GAB3: variants seen among roughly 807,000 people sequenced by gnomAD.
GAB3 encodes GRB2-associated-binding protein 3.
Under a neutral mutation model 40.4 loss-of-function variants are expected in GAB3, and 12 were observed. The observed-to-expected ratio is 0.30, with a 90% CI of 0.19 to 0.48. The LOEUF is 0.48. Among genes scored for constraint, GAB3 ranks in the 20% least tolerant of loss-of-function variants. The pLI is 0.99. For synonymous variants in GAB3, 154 were observed against 176.7 expected (o/e 0.87, Z 1.02); for missense variants, 381 against 461.9 (o/e 0.82, Z 1.61).
At chrX:154,723,347 T>C (rs1329902519) in intron 1 of GAB3, among the ~76,000 whole-genome samples, 9 of 111,533 alleles carry the variant, frequency 8.1e-5, no homozygotes, top group South Asian at 3.7e-4. Flanking sequence ...GCTCACAGGA[T>C]GAGGAAGGAA....
chrX:154,688,259 A>G (rs2070488731), intron 8 of GAB3, among the ~76,000 whole-genome samples: 1 of 109,719 alleles, frequency 9.1e-6, no homozygotes, highest in Non-Finnish European at 1.9e-5. Flanking sequence ...CCATTGGAGG[A>G]CTTGGGTTTT....
At chrX:154,737,707 G>A (rs782393512) in intron 1 of GAB3, among the ~76,000 whole-genome samples, 9 of 112,312 alleles carry the variant, frequency 8.0e-5, no homozygotes, top group Non-Finnish European at 1.3e-4. Flanking sequence ...AAGATGTGGC[G>A]TAAAAAATCA....
At chrX:154,729,686 C>A (rs2071265283) in intron 1 of GAB3, among the ~76,000 whole-genome samples, 1 of 111,777 alleles carries the variant, frequency 8.9e-6, no homozygotes, top group African/African-American at 3.3e-5. Context: ...GGAACAAGGG[C>A]AAATGAGCTT....
intron 6 of GAB3, among the ~76,000 whole-genome samples, chrX:154,697,911 C>G (rs2070685932): frequency 8.9e-6 from 1 of 111,884 alleles, no homozygotes; most frequent in South Asian, 3.7e-4. Flanking sequence ...AGTGGCCCAT[C>G]TTCTTGAGTT....
At chrX:154,707,966 T>G (rs1477128667) in intron 4 of GAB3, among the ~76,000 whole-genome samples, 4 of 111,881 alleles carry the variant, frequency 3.6e-5, no homozygotes, top group African/African-American at 1.3e-4. Context: ...CACTAAAAAC[T>G]ATAAAACATT....
Position 154,700,078 on chromosome X carries a change from G to A in GAB3, c.1070-19C>T, listed in dbSNP as rs2070717692. ...ACATCAGCTGCAAGAAATAAGCCAA[G>A]GTGGTGAGAAATGCAGAACAATATC... On this transcript the variant is annotated intron_variant, in intron 4 of 9. Transcript: ENST00000424127. 8 of 1,182,632 alleles carry A rather than the reference G, an allele frequency of 6.8e-6. No individual in the cohort carries two copies. The highest frequency in any genetic ancestry group is 8.0e-6 in the Non-Finnish European group (7 of 870,558).
chrX:154,739,446 G>A (rs1055398330), intron 1 of GAB3, among the ~76,000 whole-genome samples: 1 of 112,007 alleles, frequency 8.9e-6, no homozygotes, highest in East Asian at 2.8e-4. Context: ...GGAACTGGAG[G>A]TTATTATATT....
chrX:154,691,850 C>T (rs1160598230), intron 8 of GAB3, among the ~76,000 whole-genome samples: 1 of 111,678 alleles, frequency 9.0e-6, no homozygotes, highest in African/African-American at 3.3e-5. Context: ...GAAATAAACC[C>T]TTGCATATAT....
At chrX:154,689,620 C>A (rs2070519522) in intron 8 of GAB3, among the ~76,000 whole-genome samples, 1 of 111,147 alleles carries the variant, frequency 9.0e-6, no homozygotes, top group Non-Finnish European at 1.9e-5. Flanking sequence ...TATACACCAA[C>A]AACAGACAAA....
intron 4 of GAB3, among the ~76,000 whole-genome samples, chrX:154,710,568 C>T (rs1290731468): frequency 3.6e-5 from 4 of 111,624 alleles, no homozygotes; most frequent in Non-Finnish European, 7.5e-5. Flanking sequence ...GCAGGGTCAT[C>T]GGATGGAGAT....
chrX:154,729,360 T>C lies in GAB3; in HGVS notation c.73-13031A>G, dbSNP rs185775246. On this transcript the variant is annotated intron_variant, in intron 1 of 9. Coordinates refer to ENST00000424127, the MANE Select transcript of GAB3 (RefSeq NM_001081573.3). ...AATGCCTACTGTGAACCAAGCCCGG[T>C]TGGTTGCAAGGGAAACAGCGAAGAA... 3.6e-5 allele frequency among the ~76,000 whole-genome samples: 4 copies of C among 112,006 alleles called. No homozygotes were observed. The East Asian group carries it at 8.4e-4, about 24-fold the overall frequency.
At chrX:154,709,614 G>A (rs1274765269) in intron 4 of GAB3, among the ~76,000 whole-genome samples, 1 of 109,712 alleles carries the variant, frequency 9.1e-6, no homozygotes, top group Non-Finnish European at 1.9e-5. Flanking sequence ...ACCGCACCCA[G>A]CCTCAAATAG....
intron 1 of GAB3, among the ~76,000 whole-genome samples, chrX:154,740,179 C>T: frequency 9.0e-6 from 1 of 111,679 alleles, no homozygotes; most frequent in African/African-American, 3.3e-5. Flanking sequence ...AAGATATTTA[C>T]CACAGTATTG....
At chrX:154,737,457 C>T (rs185921228) in intron 1 of GAB3, among the ~76,000 whole-genome samples, 12 of 111,240 alleles carry the variant, frequency 1.1e-4, no homozygotes, top group Admixed American at 1.1e-3. Context: ...CTCATCACAC[C>T]CTCCTTGGAT....
intron 1 of GAB3, among the ~76,000 whole-genome samples, chrX:154,736,532 A>G (rs1014973613): frequency 1.8e-5 from 2 of 112,655 alleles, no homozygotes; most frequent in African/African-American, 6.5e-5. Flanking sequence ...ACATACTGCC[A>G]TCTTCCAATT....
chrX:154,737,396 C>T (rs2071378696), intron 1 of GAB3, among the ~76,000 whole-genome samples: 1 of 111,398 alleles, frequency 9.0e-6, no homozygotes, highest in Admixed American at 9.5e-5. Flanking sequence ...TCCTCTTACT[C>T]TCTAACTGCG....
chrX:154,751,213 C>G (rs1431804686), upstream of GAB3: 2 of 246,251 alleles, frequency 8.1e-6, no homozygotes, highest in African/African-American at 6.8e-5. Flanking sequence ...CAACCCAAGA[C>G]GGCGGGAAAA....
intron 1 of GAB3, among the ~76,000 whole-genome samples, chrX:154,735,094 A>C (rs2071346215): frequency 8.9e-6 from 1 of 112,306 alleles, no homozygotes; most frequent in African/African-American, 3.2e-5. Flanking sequence ...GCCCCAAACT[A>C]TATATCCATA....
intron 6 of GAB3, among the ~76,000 whole-genome samples, 168 bp downstream of exon 6, chrX:154,699,126 A>G (rs1366844469): frequency 9.0e-6 from 1 of 111,169 alleles, no homozygotes; most frequent in African/African-American, 3.3e-5. Flanking sequence ...TGGGGCAGCA[A>G]GGTGCCCCAG....
Sources: allele counts gnomAD v4.1 joint callset (sites outside exome capture counted in the v4.1 genomes callset), GRCh38; gene constraint gnomAD v4.1.1; transcripts MANE v1.5; gene names NCBI Gene and HGNC (gene_info 2026-07-23, HGNC 2026-07-21).